The following HRNR variants were observed in gnomAD, a reference collection of about 807,000 sequenced individuals.
HRNR encodes the protein hornerin, also known as filaggrin family member 3.
A neutral mutation model predicts 4.8 loss-of-function variants in HRNR; 7 were observed. That is an observed-to-expected ratio of 1.47 (90% CI 0.83 to 2.75). HRNR has a LOEUF of 2.75. HRNR is among the 30% of genes most tolerant of loss of function. The pLI is 0.00. For synonymous variants in HRNR, 1,023 were observed against 1,242.7 expected (o/e 0.82, Z 3.72); for missense variants, 2,879 against 3,010.4 (o/e 0.96, Z 1.02).
Position 152,218,579 on chromosome 1 carries a change from C to A in HRNR, c.3050G>T (p.Gly1017Val), listed in dbSNP as rs765947560. The change falls in exon 3 of 3, where the codon GGT becomes GTT. Residue 1017 changes from glycine to valine, a missense_variant. By Grantham distance (109) the Gly-to-Val change is moderately radical. This residue lies in a region of HRNR where 2,646 missense variants were observed against 1,377.7 expected (regional missense o/e 1.92). Coordinates refer to ENST00000368801, the MANE Select transcript of HRNR (RefSeq NM_001009931.3). The stretch of plus-strand genomic sequence containing the variant: ...GCCATAGCTGGAAGACTGCCCGGAA[C>A]CAGACCCATGTCGGCCACGGCTAGG... ...PSPSRGRHGS[G>V]SGQSSSYGPY... The A allele has an allele frequency of 1.2e-6, 2 of 1,613,802 alleles. No homozygotes were observed. Among genetic ancestry groups the A allele is most frequent in the Non-Finnish European group, 1.7e-6 (2 of 1,179,964 alleles).
chr1:152,213,053 T>A lies in HRNR; in HGVS notation c.*23A>T. On this transcript the variant is annotated 3_prime_UTR_variant, in exon 3 of 3. Transcript: ENST00000368801. ...CCTATTTCTTAAATTGCTACTTGAG[T>A]AAATTGCATTTATGTTTATTATTCA... 1 of 1,590,374 alleles carries A rather than the reference T, an allele frequency of 6.3e-7. No homozygotes were observed. Among genetic ancestry groups the A allele is most frequent in the Non-Finnish European group, 8.6e-7 (1 of 1,168,260 alleles).
In HRNR at chr1:152,221,508, A is replaced by G. The variant is rs1371135141; in HGVS notation, c.139-18T>C. ...TTTGGATTCTGTATAAGAGAAAGGT[A>G]CAAAGAGTAGCTCTGTTAGTATGGA... is the stretch of plus-strand genomic sequence containing the variant. On this transcript the variant is annotated intron_variant, in intron 2 of 2. Coordinates refer to ENST00000368801, the MANE Select transcript of HRNR (RefSeq NM_001009931.3). The G allele has an allele frequency of 9.0e-6, 14 of 1,554,412 alleles. No homozygotes were observed. The highest frequency in any genetic ancestry group is 1.2e-5 in the Non-Finnish European group (14 of 1,145,364).
rs1345495501 is a variant in HRNR, at chr1:152,220,961, G to C, written c.668C>G (p.Ser223Cys). 1.2e-6 allele frequency: 2 copies of C among 1,614,108 alleles called. No homozygotes were observed. Among genetic ancestry groups the C allele is most frequent in the African/African-American group, 2.7e-5 (2 of 74,936 alleles). ...GQSSSNDTHG[S>C]GSGQSSGFSQ... ...AAAGCCAGAAGACTGGCCTGAGCCA[G>C]ACCCATGTGTGTCATTGCTGGAAGA... Residue 223 changes from serine (S) to cysteine (C), a missense_variant, in exon 3 of 3, where the codon TCT becomes TGT. Physicochemically the swap from Ser to Cys is moderately radical, Grantham distance 112. This residue lies in a region of HRNR where 2,646 missense variants were observed against 1,377.7 expected (regional missense o/e 1.92). Coordinates refer to ENST00000368801, the MANE Select transcript of HRNR (RefSeq NM_001009931.3).
chr1:152,221,529 A>G (rs762879489), intron 2 of HRNR, 39 bp from the exon 3 acceptor site: 4 of 1,438,874 alleles, frequency 2.8e-6, no homozygotes, highest in Admixed American at 2.1e-5. Flanking sequence ...CTCTGTTAGT[A>G]TGGACAATAC....
Position 152,218,959 on chromosome 1 carries a change from A to T in HRNR, c.2670T>A (p.Ser890=). 1 of 1,613,732 alleles carries T rather than the reference A, an allele frequency of 6.2e-7. No individual in the cohort carries two copies. The highest frequency in any genetic ancestry group is 1.3e-5 in the African/African-American group (1 of 74,944). ...RGRHGSGSGQ[S]PGHGQRGSGS... ...CAGACCCACGCTGGCCGTGGCCTGGAGACTGGCCAGATCCAGAGCCATGTC... is the reference window on the plus strand; with the variant it reads ...CAGACCCACGCTGGCCGTGGCCTGGTGACTGGCCAGATCCAGAGCCATGTC... Residue 890 remains serine, a synonymous_variant, in exon 3 of 3, where the codon TCT becomes TCA. Coordinates refer to ENST00000368801, the MANE Select transcript of HRNR (RefSeq NM_001009931.3).
rs150959123 is a variant in HRNR at position 152,219,340 on chromosome 1, C to T, written c.2289G>A (p.Ser763=). Reference sequence around the variant, plus strand: ...ATCCAGACCCTTGTCGGCCGTGGCCCGAAGATTGATGGGAGCCCGACCCAT... The same window carrying T: ...ATCCAGACCCTTGTCGGCCGTGGCCTGAAGATTGATGGGAGCCCGACCCAT... ...GQHGSGSHQS[S]GHGRQGSGSG... Residue 763 remains serine (S), a synonymous_variant, in exon 3 of 3, where the codon TCG becomes TCA. Coordinates refer to ENST00000368801, the MANE Select transcript of HRNR (RefSeq NM_001009931.3). The T allele has an allele frequency of 2.0e-4, 322 of 1,612,622 alleles. No homozygotes were observed. Among genetic ancestry groups the T allele is most frequent in the African/African-American group, 1.6e-3 (117 of 74,354 alleles).
At position 152,218,752 on chromosome 1, in the gene HRNR, T is replaced by A; in HGVS notation, c.2877A>T (p.Gln959His). Reference sequence around the variant, plus strand: ...ATGACTGTCCTGACCTAGAGCCGTGTTGTTCGTAGCTGGAGGAGTGACCTG... The same window carrying A: ...ATGACTGTCCTGACCTAGAGCCGTGATGTTCGTAGCTGGAGGAGTGACCTG... ...SGSGHSSSYE[Q>H]HGSRSGQSSR... is the part of the protein sequence containing the mutation. The change falls in exon 3 of 3, where the codon CAA (glutamine) becomes CAT (histidine). Residue 959 changes from glutamine to histidine, a missense_variant. Gln to His is a conservative substitution (Grantham distance 24, BLOSUM62 0). This residue lies in a region of HRNR where 2,646 missense variants were observed against 1,377.7 expected (regional missense o/e 1.92). Transcript: ENST00000368801. 1 of 1,613,668 alleles carries A rather than the reference T, an allele frequency of 6.2e-7. No individual in the cohort carries two copies. The highest frequency in any genetic ancestry group is 1.1e-5 in the South Asian group (1 of 91,044).
chr1:152,219,429 C>T lies in HRNR; in HGVS notation c.2200G>A (p.Gly734Arg). The T allele has an allele frequency of 1.2e-6, 2 of 1,614,094 alleles. No homozygotes were observed. The highest frequency in any genetic ancestry group is 1.7e-6 in the Non-Finnish European group (2 of 1,180,026). ...TGTTGTTCACTCCTAGATGACTGTC[C>T]TGACCTAGAGCCGTGTTTTCTGTAG... ...SGYRKHGSRS[G>R]QSSRSEQHGS... Residue 734 changes from glycine (G) to arginine (R), a missense_variant, in exon 3 of 3, where the codon GGA becomes AGA. Physicochemically the swap from Gly to Arg is moderately radical, Grantham distance 125. Around this residue, in one of 8 missense-constraint regions of HRNR, gnomAD observed 2,646 missense variants for 1,377.7 expected, o/e 1.92. Coordinates refer to ENST00000368801, the MANE Select transcript of HRNR (RefSeq NM_001009931.3).
Position 152,221,068 on chromosome 1 carries a change from A to T in HRNR, c.561T>A (p.His187Gln), listed in dbSNP as rs7535536. ...SSYGEQNSDS[H>Q]QSSGRGQCGS... The stretch of plus-strand genomic sequence containing the variant: ...CACATTGGCCGCGGCCTGAAGACTG[A>T]TGGGAGTCGGAGTTTTGCTCACCAT... The change falls in exon 3 of 3, where the codon CAT becomes CAA. Residue 187 changes from histidine (H) to glutamine (Q), a missense_variant. Transcript: ENST00000368801. 1.2e-6 allele frequency: 2 copies of T among 1,613,892 alleles called. No individual in the cohort carries two copies. The highest frequency in any genetic ancestry group is 3.3e-5 in the Admixed American group (2 of 59,986).
In HRNR at chr1:152,219,951, G is replaced by T. The variant is rs370002997; in HGVS notation, c.1678C>A (p.Pro560Thr). ...GACCTCCCTGAGCCATACCCATGTG[G>T]GCCATAGCTGGAAGACTGCCTGGAA... ...SGSRQSSSYG[P>T]HGYGSGRSSS... is the part of the protein sequence containing the mutation. The change falls in exon 3 of 3, where the codon CCA (proline) becomes ACA (threonine). Residue 560 changes from proline to threonine, a missense_variant. By Grantham distance (38) the Pro-to-Thr change is conservative. This residue lies in a region of HRNR where 2,646 missense variants were observed against 1,377.7 expected (regional missense o/e 1.92). Coordinates refer to ENST00000368801, the MANE Select transcript of HRNR (RefSeq NM_001009931.3). The T allele has an allele frequency of 5.6e-6, 9 of 1,613,222 alleles. No homozygotes were observed. Among genetic ancestry groups the T allele is most frequent in the Non-Finnish European group, 7.6e-6 (9 of 1,179,594 alleles).
rs748699371 is a variant in HRNR at position 152,221,320 on chromosome 1, A to T, written c.309T>A (p.Asp103Glu). Residue 103 changes from aspartate to glutamate, a missense_variant, in exon 3 of 3, where the codon GAT (aspartate) becomes GAA (glutamate). Coordinates refer to ENST00000368801, the MANE Select transcript of HRNR (RefSeq NM_001009931.3). ...YCQVSGSKLR[D>E]DTHQHQEEQE... is the part of the protein sequence containing the mutation. ...GTTCCTCTTGGTGCTGGTGAGTGTC[A>T]TCTCTCAGCTTTGACCCTGAAACTT... 1.9e-6 allele frequency: 3 copies of T among 1,613,776 alleles called. No homozygotes were observed.
Position 152,220,274 on chromosome 1 carries a change from C to T in HRNR, c.1355G>A (p.Ser452Asn), listed in dbSNP as rs1248145743. 14 of 1,613,860 alleles carry T rather than the reference C, an allele frequency of 8.7e-6. No homozygotes were observed. In the Admixed American group the frequency reaches 2.3e-4, roughly 27 times the overall value. ...GCCTGAACCAGACACATATGGGCCA[C>T]TGCTGGAAGATCGACCAAAGCCAGT... is the stretch of plus-strand genomic sequence containing the variant. ...HGTGFGRSSS[S>N]GPYVSGSGYS... Residue 452 changes from serine (S) to asparagine (N), a missense_variant, in exon 3 of 3, where the codon AGT (serine) becomes AAT (asparagine). Physicochemically the swap from Ser to Asn is conservative, Grantham distance 46. Around this residue, in one of 8 missense-constraint regions of HRNR, gnomAD observed 2,646 missense variants for 1,377.7 expected, o/e 1.92. Coordinates refer to ENST00000368801, the MANE Select transcript of HRNR (RefSeq NM_001009931.3).
Position 152,218,715 on chromosome 1 carries a change from G to A in HRNR, c.2914C>T (p.Gln972Ter), listed in dbSNP as rs201446749. The change falls in exon 3 of 3, where the codon CAA (glutamine) becomes TAA (stop). Residue 972 changes from glutamine (Q) to a stop codon, truncating the protein, a stop_gained. Transcript: ENST00000368801. LOFTEE classifies it low-confidence loss of function (END_TRUNC). The stretch of plus-strand genomic sequence containing the variant: ...GACGAACCTGAGCTAGATCCATGTT[G>A]TTCGCTCCTAGATGACTGTCCTGAC... ...SRSGQSSRSEQHGSSSGSSSS... is the reference protein window; with the variant it reads ...SRSGQSSRSE The A allele has an allele frequency of 1.2e-6, 2 of 1,613,986 alleles. No homozygotes were observed.
Position 152,218,771 on chromosome 1 carries a change from T to C in HRNR, c.2858A>G (p.His953Arg). ...GYTQHGSGSGHSSSYEQHGSR... is the reference protein window; with the variant it reads ...GYTQHGSGSGRSSSYEQHGSR... ...GCCGTGTTGTTCGTAGCTGGAGGAG[T>C]GACCTGAGCCAGATCCATGCTGAGT... Residue 953 changes from histidine to arginine, a missense_variant, in exon 3 of 3, where the codon CAC becomes CGC. Physicochemically the swap from His to Arg is conservative, Grantham distance 29. Transcript: ENST00000368801. 1 of 1,613,058 alleles carries C rather than the reference T, an allele frequency of 6.2e-7. No individual in the cohort carries two copies. The highest frequency in any genetic ancestry group is 8.5e-7 in the Non-Finnish European group (1 of 1,179,884).
At position 152,219,663 on chromosome 1, in the gene HRNR, A is replaced by G; in HGVS notation, c.1966T>C (p.Ser656Pro). 1 of 1,613,292 alleles carries G rather than the reference A, an allele frequency of 6.2e-7. No individual in the cohort carries two copies. The highest frequency in any genetic ancestry group is 8.5e-7 in the Non-Finnish European group (1 of 1,179,490). ...CGGCCGCGACTAGGAGACTGGCCAG[A>G]TCCAGAGCCCTGTTGGCCATAGCGA... is the stretch of plus-strand genomic sequence containing the variant. ...SSRYGQQGSG[S>P]GQSPSRGRHG... The change falls in exon 3 of 3, where the codon TCT becomes CCT. Residue 656 changes from serine to proline, a missense_variant. Physicochemically the swap from Ser to Pro is moderately conservative, Grantham distance 74. Transcript: ENST00000368801.
Position 152,221,232 on chromosome 1 carries a change from T to C in HRNR, c.397A>G (p.Ser133Gly). 6.2e-7 allele frequency: 1 copy of C among 1,614,172 alleles called. No homozygotes were observed. Among genetic ancestry groups the C allele is most frequent in the South Asian group, 1.1e-5 (1 of 91,086 alleles). The change falls in exon 3 of 3, where the codon AGT (serine) becomes GGT (glycine). Residue 133 changes from serine (S) to glycine (G), a missense_variant. Ser to Gly is a moderately conservative substitution (Grantham distance 56, BLOSUM62 0). This residue lies in a region of HRNR where 2,646 missense variants were observed against 1,377.7 expected (regional missense o/e 1.92). Transcript: ENST00000368801. ...GAATAGGAATCATTCTCTCCTGCAC[T>C]CCAACTTGAATGACTAAAAGAGGAT... ...QESSFSHSSW[S>G]AGENDSYSRN... is the part of the protein sequence containing the mutation.
At position 152,221,049 on chromosome 1, in the gene HRNR, GGCCGCGGCCTGAAGACTGA is replaced by G; in HGVS notation, c.561_579del (p.Gln188AsnfsTer391). 1 of 1,613,242 alleles carries G rather than the reference GGCCGCGGCCTGAAGACTGA, an allele frequency of 6.2e-7. No individual in the cohort carries two copies. The highest frequency in any genetic ancestry group is 1.3e-5 in the African/African-American group (1 of 74,894). On this transcript the variant is annotated frameshift_variant, in exon 3 of 3. Coordinates refer to ENST00000368801, the MANE Select transcript of HRNR (RefSeq NM_001009931.3). LOFTEE classifies it low-confidence loss of function (END_TRUNC). ...GACTGCCCTGACCCAGACCCACATT[GGCCGCGGCCTGAAGACTGA>G]TGGGAGTCGGAGTTTTGCTCACCAT... is the stretch of plus-strand genomic sequence containing the variant.
Position 152,220,883 on chromosome 1 carries a change from G to C in HRNR, c.746C>G (p.Ser249Cys), listed in dbSNP as rs1309375944. Residue 249 changes from serine to cysteine, a missense_variant, in exon 3 of 3, where the codon TCT becomes TGT. This residue lies in a region of HRNR where 2,646 missense variants were observed against 1,377.7 expected (regional missense o/e 1.92). Coordinates refer to ENST00000368801, the MANE Select transcript of HRNR (RefSeq NM_001009931.3). Reference sequence around the variant, plus strand: ...GTAGCCAGAGGAGTGACCTGAGCCAGATCCATGCTGACTGTAACCAGAGGA... The same window carrying C: ...GTAGCCAGAGGAGTGACCTGAGCCACATCCATGCTGACTGTAACCAGAGGA... Reference protein sequence around the residue: ...GQSSGYSQHGSGSGHSSGYGQ... With the variant: ...GQSSGYSQHGCGSGHSSGYGQ... 6.2e-7 allele frequency: 1 copy of C among 1,614,162 alleles called. No homozygotes were observed. Among genetic ancestry groups the C allele is most frequent in the East Asian group, 2.2e-5 (1 of 44,862 alleles).
At position 152,220,818 on chromosome 1, in the gene HRNR, C is replaced by G. The variant is rs1428609055; in HGVS notation, c.811G>C (p.Glu271Gln). Residue 271 changes from glutamate (E) to glutamine (Q), a missense_variant, in exon 3 of 3, where the codon GAA becomes CAA. Glu to Gln is a conservative substitution (Grantham distance 29). Around this residue, in one of 8 missense-constraint regions of HRNR, gnomAD observed 2,646 missense variants for 1,377.7 expected, o/e 1.92. Transcript: ENST00000368801. ...GAACCTGAGCTAGATCTGTGTCGTT[C>G]ACCCCTAGATGACTGTCCTGACCTA... ...GSRSGQSSRG[E>Q]RHRSSSGSSS... 4 of 1,613,976 alleles carry G rather than the reference C, an allele frequency of 2.5e-6. No homozygotes were observed. The South Asian group carries it at 4.4e-5, about 18-fold the overall frequency.
Sources: allele counts gnomAD v4.1 joint callset, GRCh38; gene constraint gnomAD v4.1.1; regional missense constraint gnomAD v4.1.1; transcripts MANE v1.5; gene names NCBI Gene and HGNC (gene_info 2026-07-23, HGNC 2026-07-21).